Variants in PANK1 observed in about 807,000 individuals in gnomAD.
PANK1 encodes the protein pantothenic acid kinase 1.
A neutral mutation model predicts 40.1 loss-of-function variants in PANK1; 18 were observed. The observed-to-expected ratio is 0.45, with a 90% CI of 0.31 to 0.67. The LOEUF is 0.67. Among genes scored for constraint, PANK1 ranks in the 30% least tolerant of loss-of-function variants. PANK1 has a pLI of 0.06. For missense variants in PANK1, 457 were observed against 599.6 expected, an observed-to-expected ratio of 0.76 and a Z score of 2.48; for synonymous variants, 242 against 237.7, an observed-to-expected ratio of 1.02 and a Z score of -0.17.
intron 1 of PANK1, among the ~76,000 whole-genome samples, chr10:89,613,775 A>G (rs1015603623): frequency 6.6e-6 from 1 of 152,246 alleles, no homozygotes; most frequent in African/African-American, 2.4e-5. Context: ...TTCAGATCAC[A>G]GATGAAGTCT....
At chr10:89,643,562 C>T in intron 1 of PANK1, 3 of 646,856 alleles carry the variant, frequency 4.6e-6, no homozygotes, top group Non-Finnish European at 5.4e-6. Context: ...GACATAGAAA[C>T]AGGGAAAAGT....
intron 5 of PANK1, among the ~76,000 whole-genome samples, chr10:89,589,421 C>G (rs929101682): frequency 1.3e-5 from 2 of 152,178 alleles, no homozygotes; most frequent in African/African-American, 4.8e-5. Context: ...CCGGTTCATG[C>G]AGACATGCTT....
chr10:89,585,204 G>A (rs1013268607), intron 6 of PANK1, among the ~76,000 whole-genome samples: 4 of 152,110 alleles, frequency 2.6e-5, no homozygotes, highest in Non-Finnish European at 4.4e-5. Context: ...TGGATTACGT[G>A]GTGGAAGGGG....
At position 89,645,139 on chromosome 10, in the gene PANK1, G is replaced by C. The variant is rs1295713356; in HGVS notation, c.-248C>G. On this transcript the variant is annotated 5_prime_UTR_variant, in exon 1 of 7. Coordinates refer to ENST00000307534, the MANE Select transcript of PANK1 (RefSeq NM_148977.3). ...CTGGAGCACGCCAGCCCCGGGCGCG[G>C]AATCGGGGATCCCCGCGCACCCCCA... 2 of 1,512,690 alleles carry C rather than the reference G, an allele frequency of 1.3e-6. No individual in the cohort carries two copies. The highest frequency in any genetic ancestry group is 1.8e-6 in the Non-Finnish European group (2 of 1,133,832). 93.7% of individuals were successfully genotyped at this position (1,512,690 alleles called of 1,614,324 possible). A position where few individuals can be genotyped will look rare whatever the true frequency, so the allele number is the denominator to read the frequency against.
At chr10:89,630,930 G>C (rs1324809121) in intron 1 of PANK1, among the ~76,000 whole-genome samples, 3 of 152,236 alleles carry the variant, frequency 2.0e-5, no homozygotes, top group African/African-American at 7.2e-5. Flanking sequence ...TACTCAGGAA[G>C]CTGAGGCAGG....
chr10:89,609,955 C>T (rs527956558), intron 2 of PANK1, among the ~76,000 whole-genome samples: 1 of 152,190 alleles, frequency 6.6e-6, no homozygotes, highest in African/African-American at 2.4e-5. Flanking sequence ...TCACTTCAGG[C>T]TCTCCAGTGG....
intron 1 of PANK1, among the ~76,000 whole-genome samples, chr10:89,614,921 GAGGA>G (rs2133969312): frequency 6.6e-6 from 1 of 152,230 alleles, no homozygotes; most frequent in Admixed American, 6.5e-5. Flanking sequence ...GGTTTAGGGA[GAGGA>G]AGGGAGGAAG....
chr10:89,636,930 C>T (rs1446827262), intron 1 of PANK1, among the ~76,000 whole-genome samples: 8 of 150,006 alleles, frequency 5.3e-5, no homozygotes, highest in Admixed American at 5.3e-4. Flanking sequence ...GGCGCGATCT[C>T]GACTCACTGC....
rs954894974 is a variant in PANK1, at chr10:89,644,837, G to A, written c.55C>T (p.Pro19Ser). Residue 19 changes from proline to serine, a missense_variant, in exon 1 of 7, where the codon CCC becomes TCC. Physicochemically the swap from Pro to Ser is moderately conservative, Grantham distance 74. Coordinates refer to ENST00000307534, the MANE Select transcript of PANK1 (RefSeq NM_148977.3). ...ACAGCGGCGGCGCTGGTGCCCACGGGGGCCCCTGGAGAGTGCGGGACCGAG... is the reference window on the plus strand; with the variant it reads ...ACAGCGGCGGCGCTGGTGCCCACGGAGGCCCCTGGAGAGTGCGGGACCGAG... ...ERSVPHSPGA[P>S]VGTSAAAVNG... 2.2e-5 allele frequency: 32 copies of A among 1,460,228 alleles called. No homozygotes were observed. Among genetic ancestry groups the A allele is most frequent in the Non-Finnish European group, 2.7e-5 (30 of 1,114,552 alleles). The allele number at this position is 1,460,228 out of a possible 1,614,324, so 90.5% of individuals were successfully genotyped here.
rs569974811 is a variant in PANK1, at chr10:89,638,912, GTTCATAGCAACATAGGCTT to G, written c.292+5669_292+5687del. Among the ~76,000 whole-genome samples the G allele has an allele frequency of 1.3e-3, 196 of 152,302 alleles. 1 individual carries two copies. The highest frequency in any genetic ancestry group is 0.01 in the Middle Eastern group (3 of 294). On this transcript the variant is annotated intron_variant, in intron 1 of 6. Transcript: ENST00000307534. The stretch of plus-strand genomic sequence containing the variant: ...TCACCAGAACCACATTTAATGCTCT[GTTCATAGCAACATAGGCTT>G]TTCATAGCAACATAGGCTTTTCATA...
At chr10:89,609,889 AG>A (rs1200082478) in intron 2 of PANK1, among the ~76,000 whole-genome samples, 1 of 152,222 alleles carries the variant, frequency 6.6e-6, no homozygotes, top group Non-Finnish European at 1.5e-5. Flanking sequence ...ACGTTACCCC[AG>A]GGGAGAGATG....
intron 1 of PANK1, among the ~76,000 whole-genome samples, chr10:89,621,304 TA>T (rs11400272): frequency 0.16 from 22,888 of 146,746 alleles, 2,136 homozygotes; most frequent in East Asian, 0.45. Context: ...CTCTGTCTCA[TA>T]AAAAAAAAAA....
Position 89,617,886 on chromosome 10 carries a change from C to T in PANK1, c.293-5838G>A, listed in dbSNP as rs2133974210. Among the ~76,000 whole-genome samples the T allele has an allele frequency of 2.0e-5, 3 of 152,272 alleles. No homozygotes were observed. In the South Asian group the frequency reaches 6.2e-4, roughly 32 times the overall value. On this transcript the variant is annotated intron_variant, in intron 1 of 6. Coordinates refer to ENST00000307534, the MANE Select transcript of PANK1 (RefSeq NM_148977.3). ...AAAAATAATTGTACTGCCAAAGAAA[C>T]TGCAATCTCACACCTAAAACAGCTG...
chr10:89,639,855 T>C (rs893763448), intron 1 of PANK1, among the ~76,000 whole-genome samples: 4 of 152,222 alleles, frequency 2.6e-5, no homozygotes, highest in Admixed American at 2.6e-4. Context: ...GCCTAGCACA[T>C]AGTAAGTGCT....
chr10:89,618,617 A>T (rs1845388863), intron 1 of PANK1, among the ~76,000 whole-genome samples: 1 of 152,210 alleles, frequency 6.6e-6, no homozygotes, highest in Non-Finnish European at 1.5e-5. Context: ...TCTTTCTTCC[A>T]GGCCCATGGG....
chr10:89,626,775 C>T (rs1845673380), intron 1 of PANK1: 1 of 152,274 alleles, frequency 6.6e-6, no homozygotes, highest in African/African-American at 2.4e-5. Flanking sequence ...ATGGCTCCTT[C>T]AACCTTCTAA....
intron 2 of PANK1, among the ~76,000 whole-genome samples, chr10:89,611,194 T>C (rs1845141306): frequency 6.6e-6 from 1 of 152,244 alleles, no homozygotes; most frequent in Non-Finnish European, 1.5e-5. Context: ...GATTTCATTT[T>C]TGTTTGTGAG....
rs1442204795 is a variant in PANK1 at position 89,593,836 on chromosome 10, A to T, written c.1053T>A (p.Leu351=). The change falls in exon 4 of 7, where the codon CTT becomes CTA. Residue 351 remains leucine, a synonymous_variant. Transcript: ENST00000307534. ...IYGGDYERFG[L]QGSAVASSFG... is the part of the protein sequence containing the mutation. ...ACCTTGATGCTACAGCAGATCCTTGAAGGCCAAATCGTTCATAGTCTCCTC... is the reference window on the plus strand; with the variant it reads ...ACCTTGATGCTACAGCAGATCCTTGTAGGCCAAATCGTTCATAGTCTCCTC... 6.2e-7 allele frequency: 1 copy of T among 1,613,802 alleles called. No individual in the cohort carries two copies. The highest frequency in any genetic ancestry group is 8.5e-7 in the Non-Finnish European group (1 of 1,179,720).
chr10:89,627,688 C>A (rs1841516425), intron 1 of PANK1, among the ~76,000 whole-genome samples: 1 of 152,200 alleles, frequency 6.6e-6, no homozygotes, highest in Admixed American at 6.5e-5. Context: ...GTGAAATCCA[C>A]ATTGTCCTAA....
Sources: gnomAD v4.1 joint callset for allele counts (sites outside exome capture counted in the v4.1 genomes callset) on GRCh38, gnomAD v4.1.1 for gene constraint, MANE v1.5 for transcripts, NCBI Gene and HGNC (gene_info 2026-07-23, HGNC 2026-07-21) for gene names.